The following PLD1 variants were observed in gnomAD, a reference collection of about 807,000 sequenced individuals.
PLD1 encodes the protein phospholipase D1.
A neutral mutation model predicts 137.1 loss-of-function variants in PLD1; 112 were observed. The observed-to-expected ratio is 0.82, with a 90% confidence interval of 0.70 to 0.96. The LOEUF is 0.96. PLD1 is among the 40% of genes least tolerant of loss of function. PLD1 has a pLI of 0.00. For synonymous variants in PLD1, 431 were observed against 454.7 expected, an observed-to-expected ratio of 0.95 and a Z score of 0.66; for missense variants, 1,321 against 1,342.0, an observed-to-expected ratio of 0.98 and a Z score of 0.24.
intron 21 of PLD1, among the ~76,000 whole-genome samples, chr3:171,655,934 A>G (rs1737151835): frequency 6.6e-6 from 1 of 152,180 alleles, no homozygotes; most frequent in African/African-American, 2.4e-5. Context: ...TTGAAATTTG[A>G]TGAACTAATT....
intron 1 of PLD1, among the ~76,000 whole-genome samples, chr3:171,764,687 A>G (rs1168350591): frequency 6.6e-6 from 1 of 151,822 alleles, no homozygotes; most frequent in Admixed American, 6.6e-5. Context: ...TGTTGGGAAG[A>G]TGGGGCCTGC....
intron 21 of PLD1, among the ~76,000 whole-genome samples, chr3:171,650,750 T>C (rs1736661067): frequency 6.6e-6 from 1 of 152,004 alleles, no homozygotes; most frequent in African/African-American, 2.4e-5. Context: ...GTGTGTGTAT[T>C]AGCCAGGCGT....
At chr3:171,644,872 A>G in intron 22 of PLD1, 38 bp downstream of exon 22, 1 of 1,235,042 alleles carries the variant, frequency 8.1e-7, no homozygotes, top group South Asian at 1.2e-5. Flanking sequence ...ATGATGCATG[A>G]CCGAAAGCTC....
intron 1 of PLD1, among the ~76,000 whole-genome samples, chr3:171,788,206 AT>A (rs1421927119): frequency 2.0e-4 from 31 of 151,260 alleles, no homozygotes; most frequent in African/African-American, 3.9e-4. Flanking sequence ...AAAAAAAAAA[AT>A]AATAATAAAT....
At chr3:171,611,848 G>C (rs1370049127) in intron 25 of PLD1, among the ~76,000 whole-genome samples, 1 of 152,144 alleles carries the variant, frequency 6.6e-6, no homozygotes, top group Admixed American at 6.5e-5. Context: ...GAGAGGCCAA[G>C]GCAGGAGGAT....
intron 11 of PLD1, among the ~76,000 whole-genome samples, chr3:171,702,480 C>A (rs940074990): frequency 6.7e-6 from 1 of 150,364 alleles, no homozygotes; most frequent in African/African-American, 2.4e-5. Flanking sequence ...AAAGGAAGAC[C>A]CTGTCTCAAA....
intron 21 of PLD1, among the ~76,000 whole-genome samples, chr3:171,647,079 C>T (rs74466028): frequency 0.032 from 4,905 of 152,300 alleles, 290 homozygotes; most frequent in African/African-American, 0.11. Context: ...CTGCTTTACA[C>T]GATAGTGATA....
intron 19 of PLD1, among the ~76,000 whole-genome samples, chr3:171,671,735 A>T (rs543843766): frequency 1.6e-4 from 25 of 152,236 alleles, no homozygotes; most frequent in Non-Finnish European, 3.2e-4. Flanking sequence ...CTGTAGCATA[A>T]AAAAGGTGCT....
chr3:171,656,164 A>ATTTATTTATTTATTTATTTAT (rs1737181368), intron 21 of PLD1, among the ~76,000 whole-genome samples: 1 of 149,262 alleles, frequency 6.7e-6, no homozygotes, highest in African/African-American at 2.4e-5. Flanking sequence ...AATTTTATTT[A>ATTTATTTATTTATTTATTTAT]TTTATTTATT....
At chr3:171,773,983 C>A (rs919313719) in intron 1 of PLD1, among the ~76,000 whole-genome samples, 1 of 152,152 alleles carries the variant, frequency 6.6e-6, no homozygotes, top group African/African-American at 2.4e-5. Context: ...CTCCTGACCT[C>A]ATGATCCGCC....
intron 23 of PLD1, among the ~76,000 whole-genome samples, chr3:171,622,441 T>C (rs991480432): frequency 1.3e-5 from 2 of 152,160 alleles, no homozygotes; most frequent in Non-Finnish European, 2.9e-5. Context: ...CCAAGTGAGA[T>C]GCATTCCAGG....
chr3:171,758,141 T>G (rs1405190550), intron 1 of PLD1, among the ~76,000 whole-genome samples: 1 of 152,248 alleles, frequency 6.6e-6, no homozygotes, highest in African/African-American at 2.4e-5. Context: ...TAGCTAATAG[T>G]TAGCAAACCC....
At chr3:171,788,856 T>C (rs1289552326) in intron 1 of PLD1, 2 of 152,230 alleles carry the variant, frequency 1.3e-5, no homozygotes, top group African/African-American at 4.8e-5. Context: ...TTAGATTCTC[T>C]GCGTCATGAG....
At chr3:171,801,693 T>G (rs1356402607) in intron 1 of PLD1, among the ~76,000 whole-genome samples, 1 of 152,192 alleles carries the variant, frequency 6.6e-6, no homozygotes, top group Non-Finnish European at 1.5e-5. Flanking sequence ...CCTTCCAAAG[T>G]GCCGGGATAA....
At chr3:171,709,818 C>A in intron 9 of PLD1, 109 bp from the exon 10 acceptor site, 1 of 893,758 alleles carries the variant, frequency 1.1e-6, no homozygotes, top group South Asian at 1.9e-5. Context: ...AGGCAAAGAA[C>A]ATCAAGAAAG....
intron 12 of PLD1, among the ~76,000 whole-genome samples, chr3:171,698,418 T>C (rs1468561856): frequency 9.9e-5 from 15 of 152,236 alleles, no homozygotes; most frequent in Non-Finnish European, 2.1e-4. Context: ...CAAATAAATA[T>C]TATCAATTTC....
chr3:171,802,544 A>C (rs1001132829), intron 1 of PLD1, among the ~76,000 whole-genome samples: 11 of 152,228 alleles, frequency 7.2e-5, no homozygotes, highest in African/African-American at 2.2e-4. Context: ...CTAAGATGGA[A>C]CAAAGCTTGA....
intron 10 of PLD1, 66 bp downstream of exon 10, chr3:171,709,494 A>G: frequency 7.4e-7 from 1 of 1,355,700 alleles, no homozygotes; most frequent in Non-Finnish European, 1.0e-6. Context: ...ATTCCAGGTG[A>G]ATTTAGGCCA....
rs754786825 is a variant in PLD1 at position 171,676,831 on chromosome 3, A to C, written c.1999T>G (p.Phe667Val). 3.7e-6 allele frequency: 6 copies of C among 1,609,094 alleles called. No individual in the cohort carries two copies. Among genetic ancestry groups the C allele is most frequent in the Non-Finnish European group, 5.1e-6 (6 of 1,175,506 alleles). The change falls in exon 18 of 27, where the codon TTC (phenylalanine) becomes GTC (valine). Residue 667 changes from phenylalanine (F) to valine (V), a missense_variant and splice_region_variant. Phe to Val is a conservative substitution (Grantham distance 50). Transcript: ENST00000351298. ...CGGGGCGTGGAGTACCTGTCAATGAAATCTGCCCGGGTGCACCAGGCAAGG... is the reference window on the plus strand; with the variant it reads ...CGGGGCGTGGAGTACCTGTCAATGACATCTGCCCGGGTGCACCAGGCAAGG... The part of the protein sequence containing the change: ...WVQLDKPFAD[F>V]IDRYSTPRMP...
Sources: allele counts gnomAD v4.1 joint callset (sites outside exome capture counted in the v4.1 genomes callset), GRCh38; gene constraint gnomAD v4.1.1; transcripts MANE v1.5; gene names NCBI Gene and HGNC (gene_info 2026-07-23, HGNC 2026-07-21).